PPARG: variants seen among roughly 807,000 people sequenced by gnomAD.
PPARG encodes peroxisome proliferator-activated receptor gamma.
In PPARG, 17 loss-of-function variants were observed where a neutral mutation model predicts 39.2. The observed-to-expected ratio is 0.43, with a 90% CI of 0.30 to 0.65. PPARG has a LOEUF of 0.65. Among genes scored for constraint, PPARG ranks in the 30% least tolerant of loss-of-function variants. The probability of loss-of-function intolerance (pLI) is 0.13; values close to 1 mark genes in which losing one functional copy is unlikely to be tolerated. For synonymous variants in PPARG, 223 were observed against 215.7 expected (o/e 1.03, Z -0.30); for missense variants, 406 against 585.9 (o/e 0.69, Z 3.17).
chr3:12,370,889 C>T (rs1374194723), intron 2 of PPARG, among the ~76,000 whole-genome samples: 2 of 152,144 alleles, frequency 1.3e-5, no homozygotes, highest in African/African-American at 2.4e-5. Flanking sequence ...GAATGAGTAA[C>T]CAAGAGGAGC....
intron 1 of PPARG, among the ~76,000 whole-genome samples, chr3:12,299,047 C>G (rs1400295310): frequency 1.3e-5 from 2 of 152,054 alleles, no homozygotes; most frequent in African/African-American, 4.8e-5. Context: ...TATTGCCAGG[C>G]TGGTCTTGAA....
chr3:12,401,305 T>G (rs2050460425), intron 5 of PPARG, among the ~76,000 whole-genome samples: 3 of 152,146 alleles, frequency 2.0e-5, no homozygotes, highest in Admixed American at 2.0e-4. Context: ...GAAATAGAGA[T>G]AGGCAGACAG....
chr3:12,385,347 A>G (rs1294487470), intron 4 of PPARG, among the ~76,000 whole-genome samples: 1 of 152,228 alleles, frequency 6.6e-6, no homozygotes, highest in Non-Finnish European at 1.5e-5. Context: ...GAACAGGTTT[A>G]TATTAGTGAT....
intron 7 of PPARG, among the ~76,000 whole-genome samples, chr3:12,423,480 G>C (rs753576874): frequency 2.0e-4 from 30 of 152,146 alleles, no homozygotes; most frequent in Non-Finnish European, 3.7e-4. Context: ...AAAATGGAAA[G>C]GGTCGTCTTC....
rs1040810865 is a variant in PPARG at position 12,395,737 on chromosome 3, T to C, written c.529+2985T>C. The stretch of plus-strand genomic sequence containing the variant: ...ATTATTTTGGTCATTTAACAACCCA[T>C]CATTTCTGGACCATGGGTTAATTCC... On this transcript the variant is annotated intron_variant, in intron 5 of 7. Coordinates refer to ENST00000651735, the MANE Select transcript of PPARG (RefSeq NM_138711.6). 5.3e-5 allele frequency among the ~76,000 whole-genome samples: 8 copies of C among 152,332 alleles called. No individual in the cohort carries two copies. In the South Asian group the frequency reaches 1.7e-3, roughly 32 times the overall value.
chr3:12,390,384 G>T (rs377061534), intron 4 of PPARG, among the ~76,000 whole-genome samples: 1 of 151,942 alleles, frequency 6.6e-6, no homozygotes, highest in Admixed American at 6.6e-5. Context: ...TATTTCAAAC[G>T]TCCATCTGCA....
intron 3 of PPARG, 67 bp from the exon 4 acceptor site, chr3:12,381,255 T>G: frequency 6.8e-7 from 1 of 1,478,788 alleles, no homozygotes; most frequent in Non-Finnish European, 9.4e-7. Context: ...CTATGGTGGC[T>G]TGCCCTGTTG....
intron 2 of PPARG, among the ~76,000 whole-genome samples, chr3:12,341,492 A>G (rs1198384754): frequency 6.6e-6 from 1 of 152,148 alleles, no homozygotes; most frequent in Admixed American, 6.5e-5. Flanking sequence ...TTAGTTGCTG[A>G]AGGAAAGATC....
At chr3:12,351,566 T>TA (rs2048486321) in intron 2 of PPARG, 4 of 1,524,512 alleles carry the variant, frequency 2.6e-6, no homozygotes, top group Non-Finnish European at 3.6e-6. Context: ...CAGTGTGAAT[T>TA]ACAGCAAACC....
chr3:12,390,223 TG>T (rs2125206187), intron 4 of PPARG, among the ~76,000 whole-genome samples: 1 of 152,308 alleles, frequency 6.6e-6, no homozygotes, highest in Non-Finnish European at 1.5e-5. Flanking sequence ...AAAGCGCTTG[TG>T]GGGAGTGTAC....
At chr3:12,353,342 T>C (rs1024254326) in intron 2 of PPARG, among the ~76,000 whole-genome samples, 8 of 152,186 alleles carry the variant, frequency 5.3e-5, no homozygotes, top group Non-Finnish European at 1.5e-5. Flanking sequence ...AAATGTGAGC[T>C]CCTAAAGGCC....
intron 2 of PPARG, among the ~76,000 whole-genome samples, chr3:12,330,187 T>C (rs1377949415): frequency 6.6e-6 from 1 of 152,052 alleles, no homozygotes; most frequent in Non-Finnish European, 1.5e-5. Flanking sequence ...ATGGTAATTC[T>C]GTTTTGCTTT....
intron 2 of PPARG, among the ~76,000 whole-genome samples, chr3:12,350,730 T>C (rs2048459723): frequency 6.6e-6 from 1 of 152,230 alleles, no homozygotes; most frequent in South Asian, 2.1e-4. Flanking sequence ...GTGTTATTCT[T>C]CTCATAGAGA....
chr3:12,396,103 AAT>A (rs1438415097), intron 5 of PPARG, among the ~76,000 whole-genome samples: 2 of 152,116 alleles, frequency 1.3e-5, no homozygotes, highest in East Asian at 3.8e-4. Flanking sequence ...GCATTTTAAA[AAT>A]ATGTCTTCTT....
intron 3 of PPARG, 55 bp downstream of exon 3, chr3:12,379,986 C>T: frequency 7.2e-7 from 1 of 1,389,562 alleles, no homozygotes; most frequent in Non-Finnish European, 1.0e-6. Context: ...GGACTCATCT[C>T]TCAGTAACCC....
chr3:12,425,942 G>A (rs2051430946), intron 7 of PPARG, among the ~76,000 whole-genome samples: 1 of 152,186 alleles, frequency 6.6e-6, no homozygotes, highest in Admixed American at 6.5e-5. Context: ...GTTTCCACTG[G>A]TGGTGCTGTT....
intron 7 of PPARG, among the ~76,000 whole-genome samples, chr3:12,431,628 T>TGA (rs1172204388): frequency 3.9e-5 from 6 of 152,150 alleles, no homozygotes; most frequent in Non-Finnish European, 7.4e-5. Context: ...ATTTTTTTAA[T>TGA]GAGAGAATGC....
intron 2 of PPARG, among the ~76,000 whole-genome samples, chr3:12,323,912 G>A (rs553836441): frequency 6.6e-6 from 1 of 152,180 alleles, no homozygotes; most frequent in African/African-American, 2.4e-5. Flanking sequence ...TTTGGGCAGC[G>A]AGTAGGACAG....
chr3:12,295,019 G>A (rs2046743679), intron 1 of PPARG, among the ~76,000 whole-genome samples: 2 of 152,166 alleles, frequency 1.3e-5, no homozygotes, highest in South Asian at 2.1e-4. Flanking sequence ...TCATAATTCT[G>A]TGAATCAGCT....
Sources: gnomAD v4.1 joint callset for allele counts (sites outside exome capture counted in the v4.1 genomes callset) on GRCh38, gnomAD v4.1.1 for gene constraint, MANE v1.5 for transcripts, NCBI Gene and HGNC (gene_info 2026-07-23, HGNC 2026-07-21) for gene names.